ZNF16: variants seen among roughly 807,000 people sequenced by gnomAD.
The protein encoded by ZNF16 is zinc finger protein 16, also known as zinc finger protein KOX9.
In ZNF16, 7 loss-of-function variants were observed where a neutral mutation model predicts 9.0. The ratio of observed to expected loss-of-function variants is 0.78; its 90% CI spans 0.44 to 1.47. The LOEUF is 1.47. Among genes scored for constraint, ZNF16 ranks in the 40% most tolerant of loss-of-function variants. ZNF16 has a pLI of 0.01. For missense variants in ZNF16, 830 were observed against 854.2 expected (o/e 0.97, Z 0.35); for synonymous variants, 312 against 301.5 (o/e 1.03, Z -0.36).
intron 2 of ZNF16, among the ~76,000 whole-genome samples, chr8:144,939,577 C>G (rs1163528027): frequency 8.5e-6 from 1 of 117,026 alleles, no homozygotes; most frequent in Non-Finnish European, 1.6e-5. Context: ...GCCTGAGGAA[C>G]AGAGCGAGAC....
At position 144,930,761 on chromosome 8, in the gene ZNF16, G is replaced by C. The variant is rs765829300; in HGVS notation, c.2026C>G (p.Gln676Glu). The C allele has an allele frequency of 6.5e-7, 1 of 1,531,628 alleles. No homozygotes were observed. The highest frequency in any genetic ancestry group is 1.3e-5 in the South Asian group (1 of 76,326). 94.9% of individuals were successfully genotyped at this position (1,531,628 alleles called of 1,614,324 possible). The stretch of plus-strand genomic sequence containing the variant: ...GCCTATTCCCTGGTGTGAATCAACT[G>C]GTGTTTGATCAACTTTGATCGCTGG... ...FSQRSKLIKH[Q>E]LIHTRE The change falls in exon 3 of 3, where the codon CAG becomes GAG. Residue 676 changes from glutamine (Q) to glutamate (E), a missense_variant. By Grantham distance (29) the Gln-to-Glu change is conservative. Transcript: ENST00000394909.
At chr8:144,945,860 G>A (rs979299010) in intron 2 of ZNF16, 151 bp downstream of exon 2, 3 of 1,403,360 alleles carry the variant, frequency 2.1e-6, no homozygotes, top group African/African-American at 1.4e-5. Flanking sequence ...TAACTTCCTT[G>A]CTGACATCCA....
chr8:144,946,656 C>A (rs530069735), intron 1 of ZNF16, among the ~76,000 whole-genome samples: 15 of 119,966 alleles, frequency 1.3e-4, no homozygotes, highest in African/African-American at 5.0e-4. Flanking sequence ...GGGCCTGTGT[C>A]CTACTGTGGG....
At chr8:144,945,820 C>A in intron 2 of ZNF16, 191 bp downstream of exon 2, 6 of 1,154,412 alleles carry the variant, frequency 5.2e-6, no homozygotes, top group Non-Finnish European at 1.2e-6. Flanking sequence ...AATCACAGTT[C>A]TGCTCAAGGT....
Position 144,932,144 on chromosome 8 carries a change from C to T in ZNF16, c.643G>A (p.Gly215Arg), listed in dbSNP as rs747808553. 15 of 1,614,208 alleles carry T rather than the reference C, an allele frequency of 9.3e-6. No individual in the cohort carries two copies. In the Admixed American group the frequency reaches 1.3e-4, roughly 14 times the overall value. ...AESPLICNEC[G>R]KTFQGNPDLI... The stretch of plus-strand genomic sequence containing the variant: ...TCAGGATTTCCTTGGAAGGTTTTCC[C>T]ACACTCATTACATATGAGTGGACTT... Residue 215 changes from glycine (G) to arginine (R), a missense_variant, in exon 3 of 3, where the codon GGG becomes AGG. Gly to Arg is a moderately radical substitution (Grantham distance 125). Coordinates refer to ENST00000394909, the MANE Select transcript of ZNF16 (RefSeq NM_006958.3). This position sits in a 1 kb window ranked among gnomAD's most constrained non-coding sequence, Gnocchi z 5.0.
chr8:144,946,049 G>GT lies in ZNF16; in HGVS notation c.157dup (p.Thr53AsnfsTer2). The GT allele has an allele frequency of 6.2e-7, 1 of 1,613,852 alleles. No homozygotes were observed. The highest frequency in any genetic ancestry group is 8.5e-7 in the Non-Finnish European group (1 of 1,179,834). On this transcript the variant is annotated frameshift_variant, in exon 2 of 3. Transcript: ENST00000394909. LOFTEE classifies it low-confidence loss of function (END_TRUNC). ...GTGAGGGCAGATGGCTTCCAGCTCA[G>GT]TATCACTACAGCAGGGGGTACCACA...
At chr8:144,942,431 G>A (rs529201113) in intron 2 of ZNF16, among the ~76,000 whole-genome samples, 5 of 151,898 alleles carry the variant, frequency 3.3e-5, no homozygotes, top group East Asian at 3.9e-4. Flanking sequence ...GGGATTACAG[G>A]TGCCCACCAC....
At chr8:144,937,691 T>C (rs1320106400) in intron 2 of ZNF16, among the ~76,000 whole-genome samples, 1 of 152,128 alleles carries the variant, frequency 6.6e-6, no homozygotes, top group Non-Finnish European at 1.5e-5. Context: ...CCTTCACTCA[T>C]TTTTTGGGAC....
chr8:144,943,300 T>C (rs1234651287), intron 2 of ZNF16, among the ~76,000 whole-genome samples: 2 of 152,160 alleles, frequency 1.3e-5, no homozygotes, highest in Non-Finnish European at 2.9e-5. Flanking sequence ...ACAATTTGAT[T>C]AGAAAGAGAC....
At chr8:144,945,816 A>G (rs970257950) in intron 2 of ZNF16, 195 bp downstream of exon 2, 1 of 1,108,068 alleles carries the variant, frequency 9.0e-7, no homozygotes, top group East Asian at 2.7e-5. Context: ...GGGAAATCAC[A>G]GTTCTGCTCA....
At position 144,937,135 on chromosome 8, in the gene ZNF16, TTCTC is replaced by T. The variant is rs1554659148; in HGVS notation, c.197-4549_197-4546del. 1.0e-3 allele frequency among the ~76,000 whole-genome samples: 132 copies of T among 127,758 alleles called. 1 individual carries two copies. The highest frequency in any genetic ancestry group is 1.9e-3 in the Admixed American group (25 of 12,920). 83.8% of individuals were successfully genotyped at this position (127,758 alleles called of 152,430 possible). ...CTGCAGGATGCTTTTTTCACTTTCT[TTCTC>T]TCTCTTTTTTTTTTTTTTTTTTTTT... is the stretch of plus-strand genomic sequence containing the variant. On this transcript the variant is annotated intron_variant, in intron 2 of 2. Coordinates refer to ENST00000394909, the MANE Select transcript of ZNF16 (RefSeq NM_006958.3).
At chr8:144,946,295 T>G in intron 1 of ZNF16, 80 bp from the exon 2 acceptor site, 26 of 1,309,850 alleles carry the variant, frequency 2.0e-5, no homozygotes, top group Non-Finnish European at 2.5e-5. Context: ...CCGGGGTCTC[T>G]TCCTCCACCC....
At chr8:144,947,183 T>C (rs1332262235) in intron 1 of ZNF16, among the ~76,000 whole-genome samples, 1 of 138,940 alleles carries the variant, frequency 7.2e-6, no homozygotes, top group African/African-American at 2.9e-5. Flanking sequence ...GCCTGTGTCC[T>C]GCTGTGGGCC....
rs753860721 is a variant in ZNF16 at position 144,931,792 on chromosome 8, C to T, written c.995G>A (p.Arg332Gln). 52 of 1,613,998 alleles carry T rather than the reference C, an allele frequency of 3.2e-5. No individual in the cohort carries two copies. The highest frequency in any genetic ancestry group is 3.9e-5 in the Non-Finnish European group (46 of 1,180,030). The change falls in exon 3 of 3, where the codon CGG becomes CAG. Residue 332 changes from arginine to glutamine, a missense_variant. Arg to Gln is a conservative substitution (Grantham distance 43). Transcript: ENST00000394909. ...ECNECGKAFR[R>Q]SSNLIQHQRI... ...TTGATGTTGGATGAGGTTTGAGCTCCGCCTAAAAGCCTTCCCACATTCATT... is the reference window on the plus strand; with the variant it reads ...TTGATGTTGGATGAGGTTTGAGCTCTGCCTAAAAGCCTTCCCACATTCATT...
rs994981016 is a variant in ZNF16, at chr8:144,933,025, C to T, written c.197-435G>A. 6.6e-6 allele frequency among the ~76,000 whole-genome samples: 1 copy of T among 152,116 alleles called. No individual in the cohort carries two copies. The highest frequency in any genetic ancestry group is 1.5e-5 in the Non-Finnish European group (1 of 68,036). On this transcript the variant is annotated intron_variant, in intron 2 of 2. Coordinates refer to ENST00000394909, the MANE Select transcript of ZNF16 (RefSeq NM_006958.3). The surrounding 1 kb of genome is among the most constrained non-coding windows in gnomAD (Gnocchi z 5.6). ...ACCAGAAAAACGTCTCACACCACTC[C>T]TTACACTGTTACATATTTCACCCTT...
Position 144,934,823 on chromosome 8 carries a change from A to ATC in ZNF16, c.197-2235_197-2234dup, listed in dbSNP as rs1214076209. Among the ~76,000 whole-genome samples, 25 of 152,294 alleles carry ATC rather than the reference A, an allele frequency of 1.6e-4. 2 individuals are homozygous for ATC. Among genetic ancestry groups the ATC allele is most frequent in the South Asian group, 1.4e-3 (7 of 4,830 alleles). ...ATCATACATACATTACGGCTGTATGATCTCTGTCATATGGTCTTCTTTGTT... is the reference window on the plus strand; with the variant it reads ...ATCATACATACATTACGGCTGTATGATCTCTCTGTCATATGGTCTTCTTTGTT... On this transcript the variant is annotated intron_variant, in intron 2 of 2. Coordinates refer to ENST00000394909, the MANE Select transcript of ZNF16 (RefSeq NM_006958.3).
intron 2 of ZNF16, among the ~76,000 whole-genome samples, chr8:144,936,718 T>A (rs1479013220): frequency 2.2e-5 from 2 of 90,100 alleles, no homozygotes; most frequent in Non-Finnish European, 5.2e-5. Flanking sequence ...CTTTGCCCCT[T>A]ATTTATTTAT....
chr8:144,938,418 T>G (rs914097187), intron 2 of ZNF16, among the ~76,000 whole-genome samples: 2 of 152,264 alleles, frequency 1.3e-5, no homozygotes, highest in Non-Finnish European at 2.9e-5. Context: ...TATTTGTGAT[T>G]TCTTTAATTC....
intron 2 of ZNF16, among the ~76,000 whole-genome samples, chr8:144,942,351 GCCTCTGCCTGAGTTCAA>G (rs1833823012): frequency 6.6e-6 from 1 of 151,416 alleles, no homozygotes; most frequent in Admixed American, 6.6e-5. Context: ...ACAATCTCAT[GCCTCTGCCTGAGTTCAA>G]CCTCTGCCTC....
Sources: allele counts gnomAD v4.1 joint callset (sites outside exome capture counted in the v4.1 genomes callset), GRCh38; gene constraint gnomAD v4.1.1; non-coding constraint Gnocchi (gnomAD v3.1); transcripts MANE v1.5; gene names NCBI Gene and HGNC (gene_info 2026-07-23, HGNC 2026-07-21).